Variants in TAB2 observed in about 807,000 individuals in gnomAD.
TAB2 encodes the protein TGF-beta-activated kinase 1 and MAP3K7-binding protein 2.
TAB2 carries 3 observed loss-of-function variants against 65.0 expected under a neutral mutation model. That is an observed-to-expected ratio of 0.05 (90% CI 0.02 to 0.12). The LOEUF is 0.12. TAB2 is among the 10% of genes least tolerant of loss of function. TAB2 has a pLI of 1.00. For missense variants in TAB2, 623 were observed against 840.3 expected (o/e 0.74, Z 3.20); for synonymous variants, 298 against 285.1 (o/e 1.05, Z -0.46).
chr6:149,311,922 G>A (rs1779172761), intron 1 of TAB2, among the ~76,000 whole-genome samples: 1 of 152,234 alleles, frequency 6.6e-6, no homozygotes, highest in African/African-American at 2.4e-5. Flanking sequence ...TCAGCTTAAA[G>A]ATAGGTGATG....
intron 1 of TAB2, among the ~76,000 whole-genome samples, chr6:149,228,875 G>A (rs1777340969): frequency 6.6e-6 from 1 of 152,206 alleles, no homozygotes; most frequent in Non-Finnish European, 1.5e-5. Context: ...ATGCATGTGT[G>A]TGTGTGAGTG....
intron 1 of TAB2, among the ~76,000 whole-genome samples, chr6:149,223,150 T>C (rs1274372547): frequency 6.6e-6 from 1 of 152,250 alleles, no homozygotes; most frequent in Non-Finnish European, 1.5e-5. Context: ...GACTATCTTA[T>C]TAAATTCAAA....
At chr6:149,226,957 C>T (rs1189555759) in intron 1 of TAB2, among the ~76,000 whole-genome samples, 9 of 152,170 alleles carry the variant, frequency 5.9e-5, no homozygotes, top group Non-Finnish European at 1.3e-4. Flanking sequence ...GGTGGTTATT[C>T]ACTTTTCAAA....
At chr6:149,256,448 C>T (rs896396380) in intron 1 of TAB2, among the ~76,000 whole-genome samples, 14 of 152,172 alleles carry the variant, frequency 9.2e-5, no homozygotes, top group African/African-American at 2.9e-4. Context: ...ATTCTCACAA[C>T]CTCCTTTATG....
At chr6:149,230,581 T>G (rs1232358266) in intron 1 of TAB2, among the ~76,000 whole-genome samples, 5 of 152,252 alleles carry the variant, frequency 3.3e-5, no homozygotes, top group Non-Finnish European at 7.3e-5. Context: ...AATAAATGTA[T>G]CAAGTTTTCT....
At chr6:149,352,515 GTTTT>G (rs1428427411) in intron 1 of TAB2, among the ~76,000 whole-genome samples, 1 of 152,046 alleles carries the variant, frequency 6.6e-6, no homozygotes, top group African/African-American at 2.4e-5. Context: ...CTTTCACCCA[GTTTT>G]TTAAACTCAT....
chr6:149,337,412 C>T (rs981319608), intron 1 of TAB2, among the ~76,000 whole-genome samples: 1 of 152,156 alleles, frequency 6.6e-6, no homozygotes, highest in African/African-American at 2.4e-5. Flanking sequence ...TCATGACCCC[C>T]GATCTAGTGG....
chr6:149,322,628 C>T (rs571332673), intron 1 of TAB2, among the ~76,000 whole-genome samples: 20 of 152,152 alleles, frequency 1.3e-4, no homozygotes, highest in African/African-American at 3.6e-4. Context: ...AAAATGGATA[C>T]GATATCTTTC....
rs1481278889 is a variant in TAB2, at chr6:149,269,580, C to T, written c.-121+50804C>T. ...CATCACCCTAAAAAATTCCTTTTCA[C>T]CCCTTTGCAATCCACTCCTCTCCCT... is the stretch of plus-strand genomic sequence containing the variant. On this transcript the variant is annotated intron_variant, in intron 1 of 1. Transcript: ENST00000606202. 2.0e-5 allele frequency among the ~76,000 whole-genome samples: 3 copies of T among 152,104 alleles called. No homozygotes were observed. In the East Asian group the frequency reaches 5.8e-4, roughly 29 times the overall value.
At chr6:149,308,149 T>C (rs1467614366) in intron 1 of TAB2, among the ~76,000 whole-genome samples, 1 of 152,246 alleles carries the variant, frequency 6.6e-6, no homozygotes, top group African/African-American at 2.4e-5. Context: ...TCTATTTTTT[T>C]ACTATTATAA....
At chr6:149,382,776 TGA>T (rs1781657499) in intron 3 of TAB2, among the ~76,000 whole-genome samples, 1 of 151,908 alleles carries the variant, frequency 6.6e-6, no homozygotes, top group Admixed American at 6.6e-5. Context: ...TGCCTCAATT[TGA>T]GAGGGATGTA....
At chr6:149,264,992 C>A (rs983636343) in intron 1 of TAB2, among the ~76,000 whole-genome samples, 3 of 152,028 alleles carry the variant, frequency 2.0e-5, no homozygotes, top group Non-Finnish European at 2.9e-5. Context: ...TTACCCAAAC[C>A]TTTTGCACCT....
intron 1 of TAB2, among the ~76,000 whole-genome samples, chr6:149,330,204 A>G (rs1779742135): frequency 6.6e-6 from 1 of 152,132 alleles, no homozygotes; most frequent in Non-Finnish European, 1.5e-5. Flanking sequence ...TGGATATACC[A>G]CAATTTGACT....
chr6:149,399,699 T>A (rs1343106429), intron 6 of TAB2, among the ~76,000 whole-genome samples: 1 of 152,206 alleles, frequency 6.6e-6, no homozygotes, highest in African/African-American at 2.4e-5. Flanking sequence ...TGTGTTTTGA[T>A]CCAGGCATTA....
chr6:149,281,137 T>A (rs1241097945), intron 1 of TAB2, among the ~76,000 whole-genome samples: 1 of 150,860 alleles, frequency 6.6e-6, no homozygotes, highest in Non-Finnish European at 1.5e-5. Flanking sequence ...TATTTAAATG[T>A]CCTTAAAAGA....
In TAB2 at chr6:149,382,752, G is replaced by C. The variant is rs184794965; in HGVS notation, c.1603+3234G>C. On this transcript the variant is annotated intron_variant, in intron 3 of 6. Transcript: ENST00000637181. ...CACTTATAGCCCATGGTACAACACT[G>C]TGGGGGCCACATGTGCCTCAATTTG... Among the ~76,000 whole-genome samples the C allele has an allele frequency of 1.5e-3, 223 of 152,262 alleles. 1 individual carries two copies. The highest frequency in any genetic ancestry group is 4.8e-3 in the African/African-American group (201 of 41,558).
At chr6:149,299,252 C>T (rs1467711427) in intron 1 of TAB2, among the ~76,000 whole-genome samples, 12 of 152,088 alleles carry the variant, frequency 7.9e-5, no homozygotes, top group African/African-American at 2.7e-4. Flanking sequence ...GTCTATTGGC[C>T]ACTGGTCTTA....
At chr6:149,356,109 G>A (rs972364869) in intron 1 of TAB2, among the ~76,000 whole-genome samples, 16 of 152,118 alleles carry the variant, frequency 1.1e-4, no homozygotes, top group Admixed American at 5.2e-4. Context: ...TAATTTAATC[G>A]TATTTCCTAA....
At chr6:149,409,468 G>C (rs890134372) in intron 6 of TAB2, 109 bp from the exon 7 acceptor site, 5 of 982,702 alleles carry the variant, frequency 5.1e-6, no homozygotes, top group Non-Finnish European at 7.8e-6. Flanking sequence ...GCCCCATTTG[G>C]GGAGCAAGCT....
Sources: allele counts gnomAD v4.1 joint callset (sites outside exome capture counted in the v4.1 genomes callset), GRCh38; gene constraint gnomAD v4.1.1; transcripts MANE v1.5; gene names NCBI Gene and HGNC (gene_info 2026-07-23, HGNC 2026-07-21).